The following KHDRBS2 variants were observed in gnomAD, a reference collection of about 807,000 sequenced individuals.
The protein encoded by KHDRBS2 is KH domain-containing, RNA-binding, signal transduction-associated protein 2.
In KHDRBS2, 26 loss-of-function variants were observed where a neutral mutation model predicts 44.3. The observed-to-expected ratio is 0.59, with a 90% CI of 0.43 to 0.81. The LOEUF is 0.81. Ranked by LOEUF, KHDRBS2 falls within the 40% of genes least tolerant of loss-of-function variation. The probability of loss-of-function intolerance (pLI) is 0.00; values close to 1 mark genes in which losing one functional copy is unlikely to be tolerated. For synonymous variants in KHDRBS2, 194 were observed against 151.1 expected, an observed-to-expected ratio of 1.28 and a Z score of -2.08; for missense variants, 476 against 433.1, an observed-to-expected ratio of 1.10 and a Z score of -0.88.
intron 5 of KHDRBS2, among the ~76,000 whole-genome samples, chr6:61,895,791 T>C (rs941481050): frequency 1.6e-4 from 24 of 152,174 alleles, no homozygotes; most frequent in South Asian, 8.3e-4. Context: ...ATGATGATCA[T>C]TGAGATGTCA....
intron 6 of KHDRBS2, among the ~76,000 whole-genome samples, chr6:61,786,489 T>C (rs1353170649): frequency 6.6e-6 from 1 of 151,994 alleles, no homozygotes; most frequent in Non-Finnish European, 1.5e-5. Context: ...AAGAGAGTGC[T>C]AGAAAAGCAA....
intron 2 of KHDRBS2, among the ~76,000 whole-genome samples, chr6:62,083,898 C>T (rs537603437): frequency 1.1e-4 from 17 of 152,222 alleles, no homozygotes; most frequent in South Asian, 4.1e-4. Context: ...TTATTATTGT[C>T]CTATTAGAAA....
At chr6:62,060,897 A>G (rs1791665605) in intron 2 of KHDRBS2, among the ~76,000 whole-genome samples, 3 of 152,024 alleles carry the variant, frequency 2.0e-5, no homozygotes, top group Non-Finnish European at 4.4e-5. Flanking sequence ...TTTCAAAATA[A>G]CATGGTCTAT....
intron 6 of KHDRBS2, among the ~76,000 whole-genome samples, chr6:61,858,863 A>C (rs1201908771): frequency 6.6e-6 from 1 of 151,920 alleles, no homozygotes; most frequent in Non-Finnish European, 1.5e-5. Flanking sequence ...CGGGAAACCT[A>C]TTCAAGTAAT....
chr6:62,276,950 A>G (rs1474206933), intron 1 of KHDRBS2, among the ~76,000 whole-genome samples: 1 of 152,170 alleles, frequency 6.6e-6, no homozygotes, highest in African/African-American at 2.4e-5. Context: ...AATTTGTTTA[A>G]TTTGTAAAAC....
rs182522834 is a variant in KHDRBS2, at chr6:62,020,992, A to G, written c.336+26886T>C. Among the ~76,000 whole-genome samples the G allele has an allele frequency of 2.6e-5, 4 of 152,174 alleles. No individual in the cohort carries two copies. In the East Asian group the frequency reaches 5.8e-4, roughly 22 times the overall value. On this transcript the variant is annotated intron_variant, in intron 3 of 8. Transcript: ENST00000281156. ...ATGGAATCAACCTAAATGTTCATCAATGTTAGACTGTATAAAGAAACTATG... is the reference window on the plus strand; with the variant it reads ...ATGGAATCAACCTAAATGTTCATCAGTGTTAGACTGTATAAAGAAACTATG...
intron 7 of KHDRBS2, among the ~76,000 whole-genome samples, chr6:61,713,466 T>C (rs181910437): frequency 7.2e-5 from 11 of 151,978 alleles, no homozygotes. Flanking sequence ...ATTCTATGAT[T>C]TAAGATCACA....
Position 61,996,946 on chromosome 6 carries a change from C to T in KHDRBS2, c.337-18734G>A, listed in dbSNP as rs546742486. On this transcript the variant is annotated intron_variant, in intron 3 of 8. Coordinates refer to ENST00000281156, the MANE Select transcript of KHDRBS2 (RefSeq NM_152688.4). ...TACAAGTGCCTGCCACTATGCCTGG[C>T]TAATTTTTGTATTTTTAGGAGAGAC... is the stretch of plus-strand genomic sequence containing the variant. Among the ~76,000 whole-genome samples, 13 of 152,150 alleles carry T rather than the reference C, an allele frequency of 8.5e-5. No homozygotes were observed. In the South Asian group the frequency reaches 2.7e-3, roughly 32 times the overall value.
intron 3 of KHDRBS2, among the ~76,000 whole-genome samples, chr6:61,987,602 C>T (rs1420369414): frequency 6.6e-6 from 1 of 152,108 alleles, no homozygotes. Context: ...TTCAAATAAA[C>T]ACACATTTAT....
chr6:61,570,459 A>T, the KHDRBS2 span, among the ~76,000 whole-genome samples: 24 of 152,070 alleles, frequency 1.6e-4, no homozygotes, highest in Non-Finnish European at 3.2e-4. Flanking sequence ...TGTTCCTGAA[A>T]AAGAAGAGAA....
the KHDRBS2 span, among the ~76,000 whole-genome samples, chr6:61,595,396 C>T: frequency 3.0e-4 from 46 of 152,164 alleles, no homozygotes; most frequent in Admixed American, 1.6e-3. Flanking sequence ...TTCCCTTTCC[C>T]TAACTTTCTG....
intron 6 of KHDRBS2, among the ~76,000 whole-genome samples, chr6:61,827,895 A>G (rs978460355): frequency 6.6e-6 from 1 of 152,120 alleles, no homozygotes; most frequent in African/African-American, 2.4e-5. Flanking sequence ...AAATACCATC[A>G]CATTGGAGGA....
intron 3 of KHDRBS2, among the ~76,000 whole-genome samples, chr6:62,014,781 T>TC (rs1780902649): frequency 6.6e-6 from 1 of 152,156 alleles, no homozygotes; most frequent in African/African-American, 2.4e-5. Flanking sequence ...ATACAGCACA[T>TC]GAAATATTTT....
chr6:62,110,389 G>C (rs1804721168), intron 2 of KHDRBS2, among the ~76,000 whole-genome samples: 4 of 151,996 alleles, frequency 2.6e-5, no homozygotes, highest in Admixed American at 2.6e-4. Context: ...ATTTGCAGCA[G>C]TTTTATTTGT....
intron 4 of KHDRBS2, among the ~76,000 whole-genome samples, chr6:61,948,258 T>C (rs1185286179): frequency 6.6e-6 from 1 of 152,134 alleles, no homozygotes; most frequent in Non-Finnish European, 1.5e-5. Context: ...AGTAAGTGGC[T>C]TTTTAGTCTA....
chr6:61,937,843 A>G (rs952163530), intron 4 of KHDRBS2, among the ~76,000 whole-genome samples: 2 of 152,080 alleles, frequency 1.3e-5, no homozygotes, highest in African/African-American at 2.4e-5. Flanking sequence ...CATGAGTTAC[A>G]TGGGTCCACT....
At chr6:61,756,508 C>A (rs1778510595) in intron 6 of KHDRBS2, among the ~76,000 whole-genome samples, 1 of 152,172 alleles carries the variant, frequency 6.6e-6, no homozygotes, top group African/African-American at 2.4e-5. Flanking sequence ...GATCCGCCAG[C>A]CTTGGCCTCC....
chr6:61,574,656 A>G, the KHDRBS2 span, among the ~76,000 whole-genome samples: 1 of 152,148 alleles, frequency 6.6e-6, no homozygotes, highest in Non-Finnish European at 1.5e-5. Flanking sequence ...CTGTAATCCC[A>G]GTGGTTTGAG....
At chr6:61,919,324 G>T (rs1807602534) in intron 4 of KHDRBS2, among the ~76,000 whole-genome samples, 1 of 151,882 alleles carries the variant, frequency 6.6e-6, no homozygotes, top group Admixed American at 6.6e-5. Flanking sequence ...AAAAGGGTTA[G>T]CAAAGCAGTA....
Sources: gnomAD v4.1 joint callset for allele counts (sites outside exome capture counted in the v4.1 genomes callset) on GRCh38, gnomAD v4.1.1 for gene constraint, MANE v1.5 for transcripts, NCBI Gene and HGNC (gene_info 2026-07-23, HGNC 2026-07-21) for gene names.